Variants in CUBN observed in about 807,000 individuals in gnomAD.
CUBN encodes 460 kDa receptor.
CUBN carries 282 observed loss-of-function variants against 405.3 expected under a neutral mutation model. The ratio of observed to expected loss-of-function variants is 0.70; its 90% CI spans 0.63 to 0.77. The LOEUF (loss-of-function observed/expected upper bound fraction) is 0.77, where lower values mean the gene tolerates loss of function less well. Ranked by LOEUF, CUBN falls within the 30% of genes least tolerant of loss-of-function variation. CUBN has a pLI of 0.00. For synonymous variants in CUBN, 1,684 were observed against 1,617.0 expected (o/e 1.04, Z -0.99); for missense variants, 4,514 against 4,475.2 (o/e 1.01, Z -0.25).
At chr10:16,876,345 A>C (rs1268213738) in intron 57 of CUBN, among the ~76,000 whole-genome samples, 1 of 152,222 alleles carries the variant, frequency 6.6e-6, no homozygotes, top group South Asian at 2.1e-4. Context: ...GCCTCTGTCC[A>C]GTCTATTGCT....
intron 22 of CUBN, among the ~76,000 whole-genome samples, chr10:17,054,884 AG>A (rs1835355788): frequency 6.6e-6 from 1 of 152,164 alleles, no homozygotes; most frequent in Non-Finnish European, 1.5e-5. Flanking sequence ...CAAACAATTA[AG>A]AAATTGTTTA....
chr10:16,928,246 G>T lies in CUBN; in HGVS notation c.6182C>A (p.Pro2061His), dbSNP rs745974690. ...AVLCGREIPGPIRSTGEYMFI... is the reference protein window; with the variant it reads ...AVLCGREIPGHIRSTGEYMFI... The stretch of plus-strand genomic sequence containing the variant: ...CATGTACTCTCCAGTAGACCGGATG[G>T]GCCCAGGGATCTCTCTGCCACAGAG... The change falls in exon 41 of 67, where the codon CCC (proline) becomes CAC (histidine). Residue 2061 changes from proline (P) to histidine (H), a missense_variant. Physicochemically the swap from Pro to His is moderately conservative, Grantham distance 77. This residue lies in a region of CUBN where 1,613 missense variants were observed against 1,542.8 expected (regional missense o/e 1.05). Transcript: ENST00000377833. 16 of 1,613,912 alleles carry T rather than the reference G, an allele frequency of 9.9e-6. No individual in the cohort carries two copies. Among genetic ancestry groups the T allele is most frequent in the Non-Finnish European group, 1.4e-5 (16 of 1,179,892 alleles).
rs547447800 is a variant in CUBN, at chr10:16,899,165, T to C, written c.8429A>G (p.His2810Arg). 7 of 1,613,880 alleles carry C rather than the reference T, an allele frequency of 4.3e-6. No homozygotes were observed. The highest frequency in any genetic ancestry group is 2.2e-5 in the East Asian group (1 of 44,876). The change falls in exon 54 of 67, where the codon CAT becomes CGT. Residue 2810 changes from histidine (H) to arginine (R), a missense_variant. Transcript: ENST00000377833. The stretch of plus-strand genomic sequence containing the variant: ...GGATCTGATTGTACCATTATCAGAA[T>C]GAAATATTCCACCACAACCTGAAAT... ...TQTLGCGGIFHSDNGTIRSPH... is the reference protein window; with the variant it reads ...TQTLGCGGIFRSDNGTIRSPH...
chr10:17,065,421 G>T, intron 22 of CUBN, 87 bp downstream of exon 22: 1 of 1,534,800 alleles, frequency 6.5e-7, no homozygotes, highest in Non-Finnish European at 9.0e-7. Flanking sequence ...ACAGGTTTGC[G>T]GATGATGTAT....
intron 16 of CUBN, among the ~76,000 whole-genome samples, 184 bp downstream of exon 16, chr10:17,085,413 A>G (rs1293712782): frequency 5.3e-5 from 8 of 152,232 alleles, no homozygotes; most frequent in Admixed American, 6.5e-5. Flanking sequence ...GTATTGCAGT[A>G]TTAATAATAG....
rs200851855 is a variant in CUBN, at chr10:16,952,051, G to GA, written c.4969+224dup. Among the ~76,000 whole-genome samples, 2,032 of 151,834 alleles carry GA rather than the reference G, an allele frequency of 0.013. 26 individuals are homozygous for GA. The highest frequency in any genetic ancestry group is 0.024 in the Non-Finnish European group (1,598 of 67,898). ...TTTAACCTTTGCTAGGCCTTGACAT[G>GA]AAAAAAAAGAAATTGTTTTTAAATT... On this transcript the variant is annotated intron_variant, in intron 33 of 66. Coordinates refer to ENST00000377833, the MANE Select transcript of CUBN (RefSeq NM_001081.4).
intron 59 of CUBN, 66 bp from the exon 60 acceptor site, chr10:16,851,509 G>A: frequency 7.0e-7 from 1 of 1,421,776 alleles, no homozygotes; most frequent in Non-Finnish European, 9.9e-7. Context: ...TACATGGAGG[G>A]TTTTTAAAAA....
intron 29 of CUBN, among the ~76,000 whole-genome samples, chr10:16,988,914 A>T (rs568831162): frequency 6.0e-4 from 92 of 152,304 alleles, no homozygotes; most frequent in African/African-American, 2.1e-3. Flanking sequence ...CTCTTACCTC[A>T]TGGAACGATT....
intron 14 of CUBN, among the ~76,000 whole-genome samples, chr10:17,099,252 T>G (rs961689328): frequency 1.2e-4 from 18 of 147,206 alleles, no homozygotes; most frequent in Non-Finnish European, 1.2e-4. Context: ...ATCTCTTTAC[T>G]TTTTATTTGT....
chr10:16,949,611 T>C (rs1165860974), intron 34 of CUBN, among the ~76,000 whole-genome samples: 4 of 152,116 alleles, frequency 2.6e-5, no homozygotes, highest in Non-Finnish European at 4.4e-5. Flanking sequence ...TGCTTTTTTT[T>C]TCGCTTCCAC....
intron 29 of CUBN, among the ~76,000 whole-genome samples, chr10:16,988,095 G>C (rs1833479473): frequency 6.6e-6 from 1 of 152,164 alleles, no homozygotes; most frequent in Non-Finnish European, 1.5e-5. Flanking sequence ...CCTGCTTGTA[G>C]GGAACAGCCC....
At chr10:17,044,631 T>C (rs1835083634) in intron 25 of CUBN, among the ~76,000 whole-genome samples, 1 of 152,166 alleles carries the variant, frequency 6.6e-6, no homozygotes, top group Admixed American at 6.5e-5. Context: ...TGCTGTACTG[T>C]GAAAAATCCT....
At chr10:16,977,511 T>A (rs1588542259) in intron 31 of CUBN, among the ~76,000 whole-genome samples, 1 of 152,124 alleles carries the variant, frequency 6.6e-6, no homozygotes, top group Non-Finnish European at 1.5e-5. Flanking sequence ...TCATCTTCCC[T>A]TTCCACCCCC....
At chr10:17,003,838 G>A (rs1261441455) in intron 28 of CUBN, among the ~76,000 whole-genome samples, 1 of 152,106 alleles carries the variant, frequency 6.6e-6, no homozygotes, top group African/African-American at 2.4e-5. Flanking sequence ...ACCCAGAATG[G>A]TCCCCTGGGG....
intron 51 of CUBN, among the ~76,000 whole-genome samples, chr10:16,903,697 A>C (rs1358499792): frequency 6.8e-6 from 1 of 147,894 alleles, no homozygotes; most frequent in Non-Finnish European, 1.5e-5. Context: ...TTATTGGATA[A>C]TTTTAAAATT....
At chr10:17,063,651 T>C (rs1835550147) in intron 22 of CUBN, among the ~76,000 whole-genome samples, 1 of 152,240 alleles carries the variant, frequency 6.6e-6, no homozygotes, top group African/African-American at 2.4e-5. Context: ...CTCTGGGTTC[T>C]TTCTGCACAA....
chr10:16,855,536 TTACAGCCAAC>T (rs1250423075), intron 59 of CUBN, among the ~76,000 whole-genome samples: 1 of 152,116 alleles, frequency 6.6e-6, no homozygotes, highest in Non-Finnish European at 1.5e-5. Flanking sequence ...AGACTCAACT[TTACAGCCAAC>T]TACAGCCAAC....
intron 43 of CUBN, among the ~76,000 whole-genome samples, chr10:16,921,379 A>C (rs1842029209): frequency 6.6e-6 from 1 of 152,016 alleles, no homozygotes; most frequent in Admixed American, 6.6e-5. Context: ...TCAAGTTCCC[A>C]TCCTACTGTC....
intron 40 of CUBN, among the ~76,000 whole-genome samples, chr10:16,931,549 G>T (rs1272019054): frequency 6.6e-6 from 1 of 152,194 alleles, no homozygotes; most frequent in Non-Finnish European, 1.5e-5. Flanking sequence ...CTGAGCAAGG[G>T]CACTGATTAA....
Sources: gnomAD v4.1 joint callset for allele counts (sites outside exome capture counted in the v4.1 genomes callset) on GRCh38, gnomAD v4.1.1 for gene constraint, gnomAD v4.1.1 regional missense constraint, MANE v1.5 for transcripts, NCBI Gene and HGNC (gene_info 2026-07-23, HGNC 2026-07-21) for gene names.